NCOR1: variants seen among roughly 807,000 people sequenced by gnomAD.
The protein encoded by NCOR1 is nuclear receptor corepressor 1.
NCOR1 carries 63 observed loss-of-function variants against 288.1 expected under a neutral mutation model. That is an observed-to-expected ratio of 0.22 (90% CI 0.18 to 0.27). The LOEUF is 0.27. Among genes scored for constraint, NCOR1 ranks in the 10% least tolerant of loss-of-function variants. The pLI, the probability that NCOR1 is intolerant of heterozygous loss-of-function variation, is 1.00. For missense variants in NCOR1, 2,397 were observed against 3,019.2 expected (o/e 0.79, Z 4.83); for synonymous variants, 1,007 against 1,065.9 (o/e 0.94, Z 1.08).
intron 15 of NCOR1, among the ~76,000 whole-genome samples, chr17:16,122,939 C>G (rs769614016): frequency 6.6e-6 from 1 of 152,180 alleles, no homozygotes; most frequent in Non-Finnish European, 1.5e-5. Flanking sequence ...TCATCCCTTT[C>G]ATACGGGGAT....
intron 41 of NCOR1, among the ~76,000 whole-genome samples, chr17:16,047,704 C>T (rs1597823455): frequency 6.7e-6 from 1 of 150,124 alleles, no homozygotes; most frequent in Admixed American, 6.6e-5. Context: ...TAAAAAAAAA[C>T]AAGGTTTCCC....
intron 14 of NCOR1, among the ~76,000 whole-genome samples, chr17:16,129,497 G>C (rs966714841): frequency 6.6e-6 from 1 of 152,192 alleles, no homozygotes; most frequent in Non-Finnish European, 1.5e-5. Context: ...TTTATTGCTA[G>C]AGAAAACTGA....
At chr17:16,200,284 A>G (rs1662373843) in intron 1 of NCOR1, among the ~76,000 whole-genome samples, 2 of 152,002 alleles carry the variant, frequency 1.3e-5, no homozygotes, top group African/African-American at 2.4e-5. Flanking sequence ...TCAGGAGATC[A>G]AGACCATCCT....
In NCOR1 at chr17:16,064,975, G is replaced by A. The variant is rs1797270398; in HGVS notation, c.4996C>T (p.His1666Tyr). Residue 1666 changes from histidine (H) to tyrosine (Y), a missense_variant, in exon 34 of 46, where the codon CAT becomes TAT. By Grantham distance (83) the His-to-Tyr change is moderately conservative (BLOSUM62 2). Transcript: ENST00000268712. ...TNMPPTILVP[H>Y]PGGTSTPPMD... is the part of the protein sequence containing the mutation. Reference sequence around the variant, plus strand: ...GGAGGAGTGCTTGTTCCCCCTGGATGAGGCACTAAAATTGTTGGAGGCATA... The same window carrying A: ...GGAGGAGTGCTTGTTCCCCCTGGATAAGGCACTAAAATTGTTGGAGGCATA... 6.2e-7 allele frequency: 1 copy of A among 1,613,822 alleles called. No individual in the cohort carries two copies. Among genetic ancestry groups the A allele is most frequent in the African/African-American group, 1.3e-5 (1 of 74,922 alleles).
chr17:16,125,701 CAAAA>C (rs71353771), intron 15 of NCOR1, among the ~76,000 whole-genome samples: 1 of 82,310 alleles, frequency 1.2e-5, no homozygotes. Context: ...GACGCCATCA[CAAAA>C]AAAAAAAAAA....
rs373477144 is a variant in NCOR1, at chr17:16,064,847, G to C, written c.5101+23C>G. 1.9e-6 allele frequency: 3 copies of C among 1,551,942 alleles called. No individual in the cohort carries two copies. In the African/African-American group the frequency reaches 4.1e-5, roughly 21 times the overall value. On this transcript the variant is annotated intron_variant, in intron 34 of 45. Transcript: ENST00000268712. ...GTAAACATGATGGTTCTATTAGAGA[G>C]GTGTGTAACTGTACAATCTCACCTG...
intron 30 of NCOR1, among the ~76,000 whole-genome samples, chr17:16,071,024 T>C (rs1008002453): frequency 2.0e-5 from 3 of 152,048 alleles, no homozygotes; most frequent in African/African-American, 7.2e-5. Flanking sequence ...CTCACGCCTG[T>C]GATCCCAGCA....
intron 42 of NCOR1, 152 bp from the exon 43 acceptor site, chr17:16,040,646 G>GTTT: frequency 1.3e-6 from 1 of 760,472 alleles, no homozygotes; most frequent in Non-Finnish European, 2.2e-6. Flanking sequence ...TAAAATGGAA[G>GTTT]TATTTTTTTT....
chr17:16,064,073 C>T lies in NCOR1; in HGVS notation c.5216G>A (p.Arg1739Gln), dbSNP rs772538472. 9 of 1,613,950 alleles carry T rather than the reference C, an allele frequency of 5.6e-6. No individual in the cohort carries two copies. The highest frequency in any genetic ancestry group is 4.5e-5 in the East Asian group (2 of 44,876). Residue 1739 changes from arginine to glutamine, a missense_variant, in exon 35 of 46, where the codon CGG (arginine) becomes CAG (glutamine). Coordinates refer to ENST00000268712, the MANE Select transcript of NCOR1 (RefSeq NM_006311.4). ...IAAASSDLYL[R>Q]PGSEQPGRPG... ...GAGCAGTGCCTTTCACTGACCTGGCCGCAGGTAGAGGTCGGAGGAAGCTGC... is the reference window on the plus strand; with the variant it reads ...GAGCAGTGCCTTTCACTGACCTGGCTGCAGGTAGAGGTCGGAGGAAGCTGC...
At chr17:16,123,133 C>A (rs916024648) in intron 15 of NCOR1, among the ~76,000 whole-genome samples, 1 of 152,110 alleles carries the variant, frequency 6.6e-6, no homozygotes, top group Non-Finnish European at 1.5e-5. Context: ...CTGAACATAT[C>A]CAAAATCATA....
rs746254321 is a variant in NCOR1 at position 16,064,063 on chromosome 17, C to T, written c.5221+5G>A. The T allele has an allele frequency of 1.9e-6, 3 of 1,613,894 alleles. No individual in the cohort carries two copies. Among genetic ancestry groups the T allele is most frequent in the South Asian group, 2.2e-5 (2 of 91,052 alleles). ...GAGAATGGAAGAGCAGTGCCTTTCA[C>T]TGACCTGGCCGCAGGTAGAGGTCGG... On this transcript the variant is annotated splice_donor_5th_base_variant and intron_variant, in intron 35 of 45. Coordinates refer to ENST00000268712, the MANE Select transcript of NCOR1 (RefSeq NM_006311.4).
intron 6 of NCOR1, among the ~76,000 whole-genome samples, chr17:16,155,176 C>G (rs183096442): frequency 5.9e-5 from 9 of 151,958 alleles, no homozygotes; most frequent in Non-Finnish European, 2.9e-5. Flanking sequence ...CATGGTGAAA[C>G]CCCATCTCTA....
At chr17:16,047,375 T>G (rs1366440545) in intron 41 of NCOR1, among the ~76,000 whole-genome samples, 4 of 152,194 alleles carry the variant, frequency 2.6e-5, no homozygotes, top group Non-Finnish European at 5.9e-5. Flanking sequence ...AGTAAATGAA[T>G]ATTAATAGGA....
chr17:16,144,315 T>C lies in NCOR1; in HGVS notation c.1083-619A>G, dbSNP rs141948286. 9.8e-5 allele frequency among the ~76,000 whole-genome samples: 15 copies of C among 152,334 alleles called. No individual in the cohort carries two copies. In the South Asian group the frequency reaches 2.1e-3, roughly 21 times the overall value. Reference sequence around the variant, plus strand: ...CTGTCATGTCCAAAGGATGTAATACTTTTAGGAACTTCAGAATTAATTTCA... The same window carrying C: ...CTGTCATGTCCAAAGGATGTAATACCTTTAGGAACTTCAGAATTAATTTCA... On this transcript the variant is annotated intron_variant, in intron 10 of 45. Transcript: ENST00000268712.
At chr17:16,077,449 G>T (rs975765464) in intron 26 of NCOR1, among the ~76,000 whole-genome samples, 5 of 105,514 alleles carry the variant, frequency 4.7e-5, no homozygotes, top group Non-Finnish European at 8.1e-5. Flanking sequence ...TAAGGAAAGG[G>T]AAGGAGAGGA....
chr17:16,143,695 C>T lies in NCOR1; in HGVS notation c.1084G>A (p.Val362Ile). The T allele has an allele frequency of 6.2e-7, 1 of 1,609,882 alleles. No homozygotes were observed. Among genetic ancestry groups the T allele is most frequent in the Non-Finnish European group, 8.5e-7 (1 of 1,177,090 alleles). ...GAAAGACCAGCTCCCCTCTGCCCAA[C>T]TCTAAACATGAGGGAGAAATTAAAA... is the stretch of plus-strand genomic sequence containing the variant. ...QREQQERFQR[V>I]GQRGAGLSAT... Residue 362 changes from valine to isoleucine, a missense_variant and splice_region_variant, in exon 11 of 46, where the codon GTT (valine) becomes ATT (isoleucine). Val to Ile is a conservative substitution (Grantham distance 29). Around this residue, in one of 11 missense-constraint regions of NCOR1, gnomAD observed 51 missense variants for 127.6 expected, o/e 0.40. Transcript: ENST00000268712.
At chr17:16,212,433 A>C (rs909726975) in intron 1 of NCOR1, among the ~76,000 whole-genome samples, 4 of 152,206 alleles carry the variant, frequency 2.6e-5, no homozygotes, top group African/African-American at 9.6e-5. Context: ...AAAATATATG[A>C]ATCTCTAATC....
At chr17:16,130,653 A>T (rs2075448599) in intron 14 of NCOR1, among the ~76,000 whole-genome samples, 1 of 152,218 alleles carries the variant, frequency 6.6e-6, no homozygotes, top group Non-Finnish European at 1.5e-5. Flanking sequence ...CAAAGAAAAA[A>T]GTAAAAGTTA....
intron 14 of NCOR1, among the ~76,000 whole-genome samples, chr17:16,132,334 C>T (rs948549542): frequency 6.6e-6 from 1 of 152,170 alleles, no homozygotes; most frequent in Non-Finnish European, 1.5e-5. Context: ...TACCAGATGG[C>T]AGTTTATGTT....
Sources: gnomAD v4.1 joint callset for allele counts (sites outside exome capture counted in the v4.1 genomes callset) on GRCh38, gnomAD v4.1.1 for gene constraint, gnomAD v4.1.1 regional missense constraint, MANE v1.5 for transcripts, NCBI Gene and HGNC (gene_info 2026-07-23, HGNC 2026-07-21) for gene names.